GOLGA3: variants seen among roughly 807,000 people sequenced by gnomAD.
The protein encoded by GOLGA3 is golgin subfamily A member 3.
GOLGA3 carries 75 observed loss-of-function variants against 169.4 expected under a neutral mutation model. The observed-to-expected ratio is 0.44, with a 90% confidence interval of 0.37 to 0.54. GOLGA3 has a LOEUF of 0.54. Among genes scored for constraint, GOLGA3 ranks in the 20% least tolerant of loss-of-function variants. The pLI is 0.00. For synonymous variants in GOLGA3, 824 were observed against 822.4 expected, an observed-to-expected ratio of 1.00 and a Z score of -0.03; for missense variants, 1,899 against 1,930.0, an observed-to-expected ratio of 0.98 and a Z score of 0.30.
chr12:132,782,020 C>G (rs1201068992), intron 17 of GOLGA3, among the ~76,000 whole-genome samples: 1 of 152,170 alleles, frequency 6.6e-6, no homozygotes, highest in Non-Finnish European at 1.5e-5. Context: ...AGCCTCACCT[C>G]AGAGAGCCCA....
chr12:132,821,853 CAAA>C (rs11301977), intron 2 of GOLGA3, 140 bp downstream of exon 2: 7,298 of 387,880 alleles, frequency 0.019, 1 homozygote, highest in East Asian at 0.027. Flanking sequence ...GACTCCGTCT[CAAA>C]AAAAAAAAAA....
intron 4 of GOLGA3, among the ~76,000 whole-genome samples, chr12:132,812,080 C>T (rs921713447): frequency 5.4e-5 from 8 of 149,190 alleles, no homozygotes; most frequent in Non-Finnish European, 1.2e-4. Context: ...CCCAGTTACT[C>T]GGGAGGCTGA....
intron 11 of GOLGA3, among the ~76,000 whole-genome samples, chr12:132,794,333 T>TAAAA (rs1218754773): frequency 7.6e-6 from 1 of 132,430 alleles, no homozygotes; most frequent in African/African-American, 2.8e-5. Flanking sequence ...CGTATCTATT[T>TAAAA]AAAAAAAAAA....
rs1475746076 is a variant in GOLGA3, at chr12:132,804,522, C to T, written c.1597+194G>A. 4.6e-5 allele frequency among the ~76,000 whole-genome samples: 7 copies of T among 151,994 alleles called. No homozygotes were observed. The highest frequency in any genetic ancestry group is 8.8e-5 in the Non-Finnish European group (6 of 67,998). ...ACCAGGGAGGAGGGCGTGGCGAGGA[C>T]CAGTCAGGGAAGGAGGGCGTGGCGG... On this transcript the variant is annotated intron_variant, in intron 7 of 23. Transcript: ENST00000450791. The surrounding 1 kb of genome is among the most constrained non-coding windows in gnomAD (Gnocchi z 4.1).
chr12:132,808,681 C>G, intron 4 of GOLGA3, 132 bp from the exon 5 acceptor site: 1 of 747,210 alleles, frequency 1.3e-6, no homozygotes. Context: ...CTCCCCAGCC[C>G]CTCACCACAC....
rs2044824697 is a variant in GOLGA3, at chr12:132,769,909, A to G, written c.*3196T>C. The G allele has an allele frequency of 6.6e-6, 1 of 152,200 alleles. No individual in the cohort carries two copies. Among genetic ancestry groups the G allele is most frequent in the Non-Finnish European group, 1.5e-5 (1 of 68,040 alleles). The allele number at this position is 152,200 out of a possible 1,614,324, so 9.4% of individuals were successfully genotyped here. ...TGCCGGGAGAGTCCCTTGGAGATAAAAAAACCTCAACAATAAAAAAAAGCA... is the reference window on the plus strand; with the variant it reads ...TGCCGGGAGAGTCCCTTGGAGATAAGAAAACCTCAACAATAAAAAAAAGCA... On this transcript the variant is annotated 3_prime_UTR_variant, in exon 24 of 24. Transcript: ENST00000450791.
chr12:132,823,556 C>T (rs1215096403), intron 1 of GOLGA3, among the ~76,000 whole-genome samples: 1 of 152,180 alleles, frequency 6.6e-6, no homozygotes, highest in Non-Finnish European at 1.5e-5. Flanking sequence ...GAGGCCAAGG[C>T]GGGCGGATCA....
At chr12:132,789,516 AG>A (rs2046110567) in intron 12 of GOLGA3, among the ~76,000 whole-genome samples, 3 of 152,234 alleles carry the variant, frequency 2.0e-5, no homozygotes, top group African/African-American at 7.2e-5. Flanking sequence ...TGCACAAGGC[AG>A]TCACACCGGC....
At position 132,777,029 on chromosome 12, in the gene GOLGA3, G is replaced by T. The variant is rs758445674; in HGVS notation, c.3784C>A (p.Arg1262=). The T allele has an allele frequency of 4.3e-6, 7 of 1,611,686 alleles. No individual in the cohort carries two copies. The South Asian group carries it at 4.4e-5, about 10-fold the overall frequency. Residue 1262 remains arginine (R), a synonymous_variant, in exon 20 of 24, where the codon CGG becomes AGG. Transcript: ENST00000450791. This position sits in a 1 kb window ranked among gnomAD's most constrained non-coding sequence, Gnocchi z 4.7. ...TTCTGCAGGAGCTGGAGCTGTGCCC[G>T]GGCCTCGGCCAGCTCTGCTTGGAAC... ...AQFQAELAEA[R]AQLQLLQKQL...
intron 11 of GOLGA3, among the ~76,000 whole-genome samples, chr12:132,792,128 A>G (rs1353479077): frequency 6.6e-6 from 1 of 152,214 alleles, no homozygotes; most frequent in South Asian, 2.1e-4. Context: ...CCAGGAGGGC[A>G]CACATCTGCA....
intron 11 of GOLGA3, 87 bp downstream of exon 11, chr12:132,795,765 A>G (rs1566101008): frequency 2.1e-5 from 29 of 1,410,484 alleles, no homozygotes; most frequent in Non-Finnish European, 1.8e-5. Context: ...TTTCAAAAAA[A>G]AAAGAAAGAA....
At chr12:132,819,624 G>C (rs1055424085) in intron 2 of GOLGA3, among the ~76,000 whole-genome samples, 5 of 152,216 alleles carry the variant, frequency 3.3e-5, no homozygotes, top group African/African-American at 1.2e-4. Flanking sequence ...CAGAATAAAA[G>C]CAGGGGTGCC....
At position 132,778,908 on chromosome 12, in the gene GOLGA3, GA is replaced by G. The variant is rs200439750; in HGVS notation, c.3583-1104del. 7.4e-3 allele frequency among the ~76,000 whole-genome samples: 1,114 copies of G among 149,796 alleles called. 10 individuals are homozygous for G. The highest frequency in any genetic ancestry group is 0.026 in the African/African-American group (1,055 of 41,026). On this transcript the variant is annotated intron_variant, in intron 18 of 23. Transcript: ENST00000450791. ...GACTCCGTCTGAAAAAAAAAAAACC[GA>G]AAAAAATTCAGTGAACCCTAAGCAC...
At position 132,798,464 on chromosome 12, in the gene GOLGA3, G is replaced by A. The variant is rs1948978805; in HGVS notation, c.1814C>T (p.Thr605Ile). 1 of 1,608,442 alleles carries A rather than the reference G, an allele frequency of 6.2e-7. No individual in the cohort carries two copies. The highest frequency in any genetic ancestry group is 8.5e-7 in the Non-Finnish European group (1 of 1,178,422). ...EMAHIQVGQMTQAGLLEHLKL... is the reference protein window; with the variant it reads ...EMAHIQVGQMIQAGLLEHLKL... The stretch of plus-strand genomic sequence containing the variant: ...CAGGTGCTCCAGGAGACCTGCCTGG[G>A]TCATCTGTCCAACCTTAAAAAAAAA... Residue 605 changes from threonine to isoleucine, a missense_variant, in exon 9 of 24, where the codon ACC becomes ATC. By Grantham distance (89) the Thr-to-Ile change is moderately conservative. Transcript: ENST00000450791.
chr12:132,809,607 G>A (rs936023023), intron 4 of GOLGA3, among the ~76,000 whole-genome samples: 2 of 152,216 alleles, frequency 1.3e-5, no homozygotes, highest in South Asian at 2.1e-4. Flanking sequence ...GGGCATAACA[G>A]AAGGCTTGCA....
intron 1 of GOLGA3, among the ~76,000 whole-genome samples, chr12:132,826,419 C>T (rs1046286624): frequency 3.3e-5 from 5 of 151,958 alleles, no homozygotes; most frequent in East Asian, 1.9e-4. Context: ...CCCACAGTGA[C>T]GACGCCTGGG....
intron 4 of GOLGA3, 88 bp downstream of exon 4, chr12:132,813,218 CA>C: frequency 1.2e-6 from 1 of 833,702 alleles, no homozygotes; most frequent in Non-Finnish European, 2.0e-6. Flanking sequence ...TCAGAGAAGC[CA>C]ATGGCAGGTC....
chr12:132,821,099 CAAAAAA>C (rs61336622), intron 2 of GOLGA3, among the ~76,000 whole-genome samples: 5 of 49,340 alleles, frequency 1.0e-4, no homozygotes, highest in East Asian at 6.3e-4. Flanking sequence ...GACACCGTCT[CAAAAAA>C]AAAAAAAAAA....
At chr12:132,773,406 G>A in intron 23 of GOLGA3, 112 bp from the exon 24 acceptor site, 1 of 609,318 alleles carries the variant, frequency 1.6e-6, no homozygotes, top group Non-Finnish European at 2.7e-6. Context: ...GCGCCTTCGG[G>A]GATCCGCAAA....
Sources: gnomAD v4.1 joint callset for allele counts (sites outside exome capture counted in the v4.1 genomes callset) on GRCh38, gnomAD v4.1.1 for gene constraint, Gnocchi (gnomAD v3.1) non-coding constraint, MANE v1.5 for transcripts, NCBI Gene and HGNC (gene_info 2026-07-23, HGNC 2026-07-21) for gene names.